Variants in EIF4G3 observed in about 807,000 individuals in gnomAD.
EIF4G3 encodes the protein eIF-4-gamma 3.
Under a neutral mutation model 186.4 loss-of-function variants are expected in EIF4G3, and 34 were observed. The observed-to-expected ratio is 0.18, with a 90% CI of 0.14 to 0.24. The LOEUF (loss-of-function observed/expected upper bound fraction) is 0.24, where lower values mean the gene tolerates loss of function less well. Ranked by LOEUF, EIF4G3 falls within the 10% of genes least tolerant of loss-of-function variation. EIF4G3 has a pLI of 1.00. For missense variants in EIF4G3, 1,536 were observed against 1,948.5 expected (o/e 0.79, Z 3.99); for synonymous variants, 673 against 679.5 (o/e 0.99, Z 0.15).
intron 3 of EIF4G3, among the ~76,000 whole-genome samples, chr1:21,072,804 A>G (rs1352145381): frequency 6.6e-6 from 1 of 152,240 alleles, no homozygotes; most frequent in Non-Finnish European, 1.5e-5. Context: ...TATCAAATAA[A>G]CGGTATGAAT....
intron 2 of EIF4G3, among the ~76,000 whole-genome samples, chr1:21,130,572 C>T (rs1037217209): frequency 6.6e-6 from 1 of 152,056 alleles, no homozygotes; most frequent in Non-Finnish European, 1.5e-5. Context: ...GAAGAAGTGG[C>T]GTGCCCATTT....
rs532691496 is a variant in EIF4G3, at chr1:20,862,679, C to T, written c.3007-347G>A. Among the ~76,000 whole-genome samples, 121 of 152,312 alleles carry T rather than the reference C, an allele frequency of 7.9e-4. 1 individual carries two copies. In the South Asian group the frequency reaches 0.012, roughly 15 times the overall value. ...CCTCCAGCCTTGGCCTCTCAACGTG[C>T]TGGAATTTCAGGCATTAGCCACTGC... On this transcript the variant is annotated intron_variant, in intron 22 of 36. Transcript: ENST00000602326.
chr1:21,070,649 CAT>C (rs1304626661), intron 3 of EIF4G3, among the ~76,000 whole-genome samples: 7 of 151,996 alleles, frequency 4.6e-5, no homozygotes, highest in African/African-American at 1.7e-4. Flanking sequence ...AAGAGCCAAA[CAT>C]GTATGTGCAA....
intron 2 of EIF4G3, among the ~76,000 whole-genome samples, chr1:21,132,968 A>T (rs1295720855): frequency 6.6e-6 from 1 of 150,946 alleles, no homozygotes; most frequent in Non-Finnish European, 1.5e-5. Context: ...TTTTTAGTAG[A>T]GATGGGGATT....
intron 2 of EIF4G3, among the ~76,000 whole-genome samples, chr1:21,159,097 A>G (rs1374739034): frequency 6.6e-6 from 1 of 152,168 alleles, no homozygotes; most frequent in African/African-American, 2.4e-5. Flanking sequence ...AGAATTAAGA[A>G]CACGATTGTC....
chr1:20,858,664 G>C (rs1360830205), intron 24 of EIF4G3, among the ~76,000 whole-genome samples: 2 of 152,084 alleles, frequency 1.3e-5, no homozygotes, highest in Non-Finnish European at 2.9e-5. Context: ...ATGATGGAAG[G>C]GACTTTGAGT....
At chr1:20,825,644 A>C (rs930904339) in intron 32 of EIF4G3, among the ~76,000 whole-genome samples, 10 of 152,242 alleles carry the variant, frequency 6.6e-5, no homozygotes, top group African/African-American at 2.4e-4. Flanking sequence ...ACATCAAAAA[A>C]AGTCCAATAC....
chr1:20,878,290 G>A (rs994872096), intron 20 of EIF4G3, among the ~76,000 whole-genome samples: 2 of 152,166 alleles, frequency 1.3e-5, no homozygotes, highest in Non-Finnish European at 2.9e-5. Context: ...ATTCCCCATT[G>A]TGTCAGGTCC....
intron 2 of EIF4G3, among the ~76,000 whole-genome samples, chr1:21,109,470 C>T (rs2096678476): frequency 6.6e-6 from 1 of 152,040 alleles, no homozygotes; most frequent in South Asian, 2.1e-4. Flanking sequence ...CCTAGCAAGA[C>T]TTTGTCTCTG....
In EIF4G3 at chr1:20,825,180, C is replaced by T; in HGVS notation, c.4288G>A (p.Ala1430Thr). The change falls in exon 33 of 37, where the codon GCC becomes ACC. Residue 1430 changes from alanine (A) to threonine (T), a missense_variant. Ala to Thr is a moderately conservative substitution (Grantham distance 58). Coordinates refer to ENST00000602326, the MANE Select transcript of EIF4G3 (RefSeq NM_001391906.1). ...CKQMSHKKVG[A>T]LWREADLSWK... is the part of the protein sequence containing the mutation. The stretch of plus-strand genomic sequence containing the variant: ...CTGAGGTCAGCCTCCCTCCATAAGG[C>T]TCCCACTTTCTTATGGCTCTAAAAT... The T allele has an allele frequency of 6.2e-7, 1 of 1,608,962 alleles. No individual in the cohort carries two copies. The highest frequency in any genetic ancestry group is 8.5e-7 in the Non-Finnish European group (1 of 1,177,060).
At chr1:20,949,656 T>A (rs1448357879) in intron 13 of EIF4G3, among the ~76,000 whole-genome samples, 1 of 152,206 alleles carries the variant, frequency 6.6e-6, no homozygotes, top group Non-Finnish European at 1.5e-5. Flanking sequence ...AGGGACATGC[T>A]GAATATATAA....
intron 3 of EIF4G3, among the ~76,000 whole-genome samples, chr1:21,067,786 A>T (rs1012496985): frequency 1.3e-5 from 2 of 152,180 alleles, no homozygotes; most frequent in African/African-American, 4.8e-5. Flanking sequence ...TCTAGACTAG[A>T]ATAAGGAATC....
At chr1:21,070,888 A>G (rs900228239) in intron 3 of EIF4G3, among the ~76,000 whole-genome samples, 2 of 152,174 alleles carry the variant, frequency 1.3e-5, no homozygotes, top group African/African-American at 2.4e-5. Context: ...TTGAAAGTGG[A>G]CTAATTGATA....
chr1:20,853,118 T>C (rs907597925), intron 27 of EIF4G3, among the ~76,000 whole-genome samples: 6 of 152,188 alleles, frequency 3.9e-5, no homozygotes, highest in Non-Finnish European at 7.3e-5. Context: ...CTTGACTGTA[T>C]CAATCCTAGA....
At chr1:21,107,994 C>T (rs1313640471) in intron 2 of EIF4G3, among the ~76,000 whole-genome samples, 1 of 152,148 alleles carries the variant, frequency 6.6e-6, no homozygotes, top group Non-Finnish European at 1.5e-5. Context: ...CAAATAATAA[C>T]AAAATTAGCC....
chr1:21,119,239 G>C (rs1045219392), intron 2 of EIF4G3, among the ~76,000 whole-genome samples: 1 of 151,972 alleles, frequency 6.6e-6, no homozygotes, highest in Admixed American at 6.6e-5. Context: ...GAGCTGAAAT[G>C]GGTATGAAAT....
chr1:20,878,373 C>A (rs1199124430), intron 20 of EIF4G3, among the ~76,000 whole-genome samples: 1 of 152,122 alleles, frequency 6.6e-6, no homozygotes, highest in Admixed American at 6.6e-5. Context: ...TTTCTTCCAA[C>A]TTATTTTTCG....
At chr1:20,916,772 T>C (rs184326184) in intron 14 of EIF4G3, among the ~76,000 whole-genome samples, 11 of 152,248 alleles carry the variant, frequency 7.2e-5, no homozygotes, top group East Asian at 1.9e-4. Flanking sequence ...ACCGGATCAA[T>C]TGAAAAAAAT....
At chr1:20,893,491 G>A (rs771683649) in intron 18 of EIF4G3, 26 bp downstream of exon 18, 1 of 1,570,764 alleles carries the variant, frequency 6.4e-7, no homozygotes, top group Admixed American at 1.7e-5. Context: ...GTCTAACTAA[G>A]TGAGTTGTAG....
Sources: gnomAD v4.1 joint callset for allele counts (sites outside exome capture counted in the v4.1 genomes callset) on GRCh38, gnomAD v4.1.1 for gene constraint, MANE v1.5 for transcripts, NCBI Gene and HGNC (gene_info 2026-07-23, HGNC 2026-07-21) for gene names.